The following TACC2 variants were observed in gnomAD, a reference collection of about 807,000 sequenced individuals.
The protein encoded by TACC2 is transforming acidic coiled-coil containing protein 2, also known as transforming acidic coiled-coil-containing protein 2.
A neutral mutation model predicts 227.3 loss-of-function variants in TACC2; 137 were observed. That is an observed-to-expected ratio of 0.60 (90% CI 0.52 to 0.69). TACC2 has a LOEUF of 0.69. Ranked by LOEUF, TACC2 falls within the 30% of genes least tolerant of loss-of-function variation. The pLI is 0.00. For synonymous variants in TACC2, 1,523 were observed against 1,487.5 expected, an observed-to-expected ratio of 1.02 and a Z score of -0.55; for missense variants, 3,470 against 3,694.4, an observed-to-expected ratio of 0.94 and a Z score of 1.57.
chr10:122,147,820 T>A (rs2091570349), intron 7 of TACC2, among the ~76,000 whole-genome samples: 1 of 152,156 alleles, frequency 6.6e-6, no homozygotes, highest in Non-Finnish European at 1.5e-5. Context: ...CCTGGCCAGC[T>A]GCCTGCCAAG....
At chr10:122,200,749 T>A (rs866066109) in intron 8 of TACC2, among the ~76,000 whole-genome samples, 25 of 91,802 alleles carry the variant, frequency 2.7e-4, no homozygotes, top group Non-Finnish European at 3.3e-4. Flanking sequence ...CGTGTTCACA[T>A]GGGGAGGACG....
At chr10:122,140,312 T>A (rs1470341458) in intron 6 of TACC2, among the ~76,000 whole-genome samples, 1 of 152,208 alleles carries the variant, frequency 6.6e-6, no homozygotes, top group East Asian at 1.9e-4. Flanking sequence ...GCTGAAAGCG[T>A]GGTGGTTTAT....
At chr10:122,170,073 A>G (rs955929263) in intron 7 of TACC2, among the ~76,000 whole-genome samples, 17 of 151,984 alleles carry the variant, frequency 1.1e-4, no homozygotes, top group Middle Eastern at 3.2e-3. Context: ...TTTACTTCAT[A>G]TCTCCTCTTG....
intron 22 of TACC2, 21 bp downstream of exon 22, chr10:122,249,685 C>T (rs1190793295): frequency 6.2e-7 from 1 of 1,602,262 alleles, no homozygotes; most frequent in African/African-American, 1.3e-5. Context: ...AGGGGTGTGG[C>T]CTCCAGGTGG....
At chr10:122,120,033 C>T (rs1350373131) in intron 5 of TACC2, among the ~76,000 whole-genome samples, 2 of 152,172 alleles carry the variant, frequency 1.3e-5, no homozygotes, top group Non-Finnish European at 2.9e-5. Flanking sequence ...AAATTCGGTC[C>T]TTGGGCTCAT....
chr10:122,179,655 CAG>C (rs1565523270), intron 7 of TACC2, among the ~76,000 whole-genome samples: 1 of 152,084 alleles, frequency 6.6e-6, no homozygotes, highest in African/African-American at 2.4e-5. Context: ...AAAAACAACT[CAG>C]GGGCCAGGCC....
rs939389700 is a variant in TACC2, at chr10:122,141,921, T to C, written c.5700-1651T>C. ...GGTCCATTTGCCGATTATGAGTACA[T>C]GTCAGCCTCCAAAGTGCAAAATAGC... On this transcript the variant is annotated intron_variant, in intron 6 of 22. Coordinates refer to ENST00000369005, the MANE Select transcript of TACC2 (RefSeq NM_206862.4). This position sits in a 1 kb window ranked among gnomAD's most constrained non-coding sequence, Gnocchi z 4.3. 2.0e-5 allele frequency among the ~76,000 whole-genome samples: 3 copies of C among 152,222 alleles called. No homozygotes were observed. The highest frequency in any genetic ancestry group is 7.2e-5 in the African/African-American group (3 of 41,458).
Position 122,085,210 on chromosome 10 carries a change from C to T in TACC2, c.2710C>T (p.Gln904Ter). 3 of 1,614,116 alleles carry T rather than the reference C, an allele frequency of 1.9e-6. No individual in the cohort carries two copies. Among genetic ancestry groups the T allele is most frequent in the Non-Finnish European group, 2.5e-6 (3 of 1,180,042 alleles). The stretch of plus-strand genomic sequence containing the variant: ...GGCTTTGGGATCAGAACTTCAAAGT[C>T]AGCTCCCCAAAGGCACCCTGTCTGA... ...EQALGSELQS[Q>*]LPKGTLSDTP... Residue 904 changes from glutamine (Q) to a stop codon, truncating the protein, a stop_gained, in exon 4 of 23, where the codon CAG (glutamine) becomes TAG (stop). Coordinates refer to ENST00000369005, the MANE Select transcript of TACC2 (RefSeq NM_206862.4). LOFTEE classifies it high-confidence loss of function.
chr10:122,114,737 C>A (rs959588707), intron 5 of TACC2, among the ~76,000 whole-genome samples: 43 of 152,270 alleles, frequency 2.8e-4, no homozygotes, highest in African/African-American at 9.9e-4. Context: ...TGGAATATGA[C>A]CTGCTTGTAT....
chr10:122,130,101 G>A (rs1390745418), intron 5 of TACC2, among the ~76,000 whole-genome samples: 1 of 152,156 alleles, frequency 6.6e-6, no homozygotes, highest in Non-Finnish European at 1.5e-5. Context: ...AGGTTCAAGT[G>A]ATTCTTGTGC....
intron 3 of TACC2, among the ~76,000 whole-genome samples, chr10:122,060,120 A>G (rs1044608368): frequency 1.3e-5 from 2 of 152,192 alleles, no homozygotes; most frequent in Admixed American, 6.5e-5. Context: ...GGGCTTAAGG[A>G]GGAAGAATTC....
intron 2 of TACC2, among the ~76,000 whole-genome samples, chr10:122,026,794 T>C (rs905954817): frequency 6.6e-6 from 1 of 152,248 alleles, no homozygotes; most frequent in African/African-American, 2.4e-5. Context: ...GCATGTTTTT[T>C]CATTGCTTTG....
chr10:122,033,441 C>T (rs1959192439), intron 2 of TACC2, among the ~76,000 whole-genome samples: 2 of 152,116 alleles, frequency 1.3e-5, no homozygotes, highest in South Asian at 2.1e-4. Flanking sequence ...CAGAAAGGAA[C>T]GTAGATGCTG....
chr10:122,085,759 G>A lies in TACC2; in HGVS notation c.3259G>A (p.Glu1087Lys), dbSNP rs748517134. The A allele has an allele frequency of 1.9e-6, 3 of 1,613,894 alleles. No homozygotes were observed. Among genetic ancestry groups the A allele is most frequent in the Non-Finnish European group, 2.5e-6 (3 of 1,180,008 alleles). Residue 1087 changes from glutamate (E) to lysine (K), a missense_variant, in exon 4 of 23, where the codon GAA (glutamate) becomes AAA (lysine). Transcript: ENST00000369005. ...PETEACDETQ[E>K]GRQQPVPAPQ... ...GACAGAGGCATGTGATGAAACCCAG[G>A]AAGGCAGGCAGCAACCAGTGCCGGC... is the stretch of plus-strand genomic sequence containing the variant.
intron 5 of TACC2, among the ~76,000 whole-genome samples, chr10:122,121,176 G>C (rs2085710075): frequency 6.6e-6 from 1 of 152,186 alleles, no homozygotes; most frequent in South Asian, 2.1e-4. Flanking sequence ...GCGGGAGGGA[G>C]GGTCATGTGT....
At chr10:122,033,968 A>G (rs576552100) in intron 2 of TACC2, among the ~76,000 whole-genome samples, 2 of 152,244 alleles carry the variant, frequency 1.3e-5, no homozygotes, top group Admixed American at 1.3e-4. Flanking sequence ...CCTGACCAAC[A>G]TGGTAAAACC....
At position 122,085,749 on chromosome 10, in the gene TACC2, T is replaced by C. The variant is rs1254082078; in HGVS notation, c.3249T>C (p.Asp1083=). 6.2e-7 allele frequency: 1 copy of C among 1,613,760 alleles called. No homozygotes were observed. Among genetic ancestry groups the C allele is most frequent in the Non-Finnish European group, 8.5e-7 (1 of 1,179,974 alleles). ...ATGCCCCAGAGACAGAGGCATGTGA[T>C]GAAACCCAGGAAGGCAGGCAGCAAC... ...TQDAPETEAC[D]ETQEGRQQPV... Residue 1083 remains aspartate (D), a synonymous_variant, in exon 4 of 23, where the codon GAT becomes GAC. Coordinates refer to ENST00000369005, the MANE Select transcript of TACC2 (RefSeq NM_206862.4).
intron 11 of TACC2, among the ~76,000 whole-genome samples, chr10:122,221,486 C>T (rs2095522503): frequency 6.6e-6 from 1 of 152,140 alleles, no homozygotes; most frequent in South Asian, 2.1e-4. Flanking sequence ...TCCCTCCTTC[C>T]CACTCTGACA....
At chr10:122,102,480 C>G (rs1025186660) in intron 5 of TACC2, among the ~76,000 whole-genome samples, 1 of 152,216 alleles carries the variant, frequency 6.6e-6, no homozygotes, top group African/African-American at 2.4e-5. Flanking sequence ...ACTACTGCGG[C>G]TGATCCATCA....
Sources: gnomAD v4.1 joint callset for allele counts (sites outside exome capture counted in the v4.1 genomes callset) on GRCh38, gnomAD v4.1.1 for gene constraint, Gnocchi (gnomAD v3.1) non-coding constraint, MANE v1.5 for transcripts, NCBI Gene and HGNC (gene_info 2026-07-23, HGNC 2026-07-21) for gene names.